The following OCA2 variants were observed in gnomAD, a reference collection of about 807,000 sequenced individuals.
OCA2 encodes OCA2 melanosomal transmembrane protein, also known as P protein.
OCA2 carries 77 observed loss-of-function variants against 100.2 expected under a neutral mutation model. The ratio of observed to expected loss-of-function variants is 0.77; its 90% CI spans 0.64 to 0.93. The LOEUF (loss-of-function observed/expected upper bound fraction) is 0.93. Among genes scored for constraint, OCA2 ranks in the 40% least tolerant of loss-of-function variants. OCA2 has a pLI of 0.00. For synonymous variants in OCA2, 432 were observed against 439.2 expected (o/e 0.98, Z 0.21); for missense variants, 1,062 against 1,089.1 (o/e 0.98, Z 0.35).
chr15:28,045,210 G>C (rs559727599), intron 2 of OCA2, among the ~76,000 whole-genome samples: 1 of 151,888 alleles, frequency 6.6e-6, no homozygotes, highest in African/African-American at 2.4e-5. Context: ...TCTAGGTATT[G>C]CTTTAGGGTT....
At chr15:27,743,870 G>A in the OCA2 span, among the ~76,000 whole-genome samples, 1 of 152,172 alleles carries the variant, frequency 6.6e-6, no homozygotes. Flanking sequence ...CCCGCAGCCA[G>A]GTCCTGAGCA....
chr15:27,982,045 T>C (rs1305271538), intron 14 of OCA2, among the ~76,000 whole-genome samples: 3 of 148,742 alleles, frequency 2.0e-5, no homozygotes, highest in Non-Finnish European at 4.4e-5. Flanking sequence ...GTTCCATGTG[T>C]TTTGTCTGGT....
intron 20 of OCA2, 146 bp downstream of exon 20, chr15:27,871,717 C>T (rs1031895662): frequency 1.2e-5 from 8 of 684,904 alleles, no homozygotes; most frequent in Admixed American, 7.6e-5. Flanking sequence ...CATCTCTGGG[C>T]TGCACAGGAT....
chr15:27,949,125 G>C (rs2039945678), intron 18 of OCA2, among the ~76,000 whole-genome samples: 1 of 152,152 alleles, frequency 6.6e-6, no homozygotes, highest in South Asian at 2.1e-4. Context: ...GCTATGTCTA[G>C]GTTAGGATTC....
chr15:27,877,674 A>G (rs1447971042), intron 19 of OCA2, among the ~76,000 whole-genome samples: 2 of 151,916 alleles, frequency 1.3e-5, no homozygotes, highest in Non-Finnish European at 2.9e-5. Flanking sequence ...TACTTTCAAC[A>G]TATCTCTATG....
intron 21 of OCA2, among the ~76,000 whole-genome samples, chr15:27,861,175 AG>A (rs1309896992): frequency 3.9e-5 from 6 of 152,168 alleles, no homozygotes; most frequent in Non-Finnish European, 7.4e-5. Context: ...TTTGAGGGGC[AG>A]CTGGCCATGG....
chr15:28,078,693 G>A (rs1014438946), intron 2 of OCA2, among the ~76,000 whole-genome samples: 41 of 152,320 alleles, frequency 2.7e-4, no homozygotes, highest in African/African-American at 9.9e-4. Flanking sequence ...CCCAGCCTGT[G>A]AAGACCCTGA....
At chr15:27,835,426 C>G (rs1231992648) in intron 23 of OCA2, among the ~76,000 whole-genome samples, 1 of 152,170 alleles carries the variant, frequency 6.6e-6, no homozygotes, top group Admixed American at 6.5e-5. Context: ...TCTTTGGGCC[C>G]CCACAACCTG....
At chr15:27,773,006 A>G (rs1021107280) in intron 23 of OCA2, among the ~76,000 whole-genome samples, 3 of 152,092 alleles carry the variant, frequency 2.0e-5, no homozygotes, top group Non-Finnish European at 4.4e-5. Context: ...CTGATGCAAT[A>G]TTTTTGGCAA....
In OCA2 at chr15:27,755,367, C is replaced by T. The variant is rs369189827; in HGVS notation, c.*21G>A. 74 of 1,570,354 alleles carry T rather than the reference C, an allele frequency of 4.7e-5. No homozygotes were observed. The highest frequency in any genetic ancestry group is 5.7e-5 in the Non-Finnish European group (65 of 1,140,448). ...GATGGATGAAGTTTCCTTTAGTCTT[C>T]GAGCAATAGATGGATGTCTATTAAT... On this transcript the variant is annotated 3_prime_UTR_variant, in exon 24 of 24. Coordinates refer to ENST00000354638, the MANE Select transcript of OCA2 (RefSeq NM_000275.3).
chr15:27,828,317 C>T (rs2151301796), intron 23 of OCA2, among the ~76,000 whole-genome samples: 1 of 152,282 alleles, frequency 6.6e-6, no homozygotes, highest in African/African-American at 2.4e-5. Flanking sequence ...TCCAAACTCT[C>T]CAAAGGATGC....
At chr15:28,094,788 C>T (rs1370341980) in intron 1 of OCA2, among the ~76,000 whole-genome samples, 1 of 152,200 alleles carries the variant, frequency 6.6e-6, no homozygotes, top group Non-Finnish European at 1.5e-5. Flanking sequence ...AACGCCCCGC[C>T]GTGCCGTGGC....
At chr15:27,787,814 A>G (rs2032889642) in intron 23 of OCA2, among the ~76,000 whole-genome samples, 1 of 151,650 alleles carries the variant, frequency 6.6e-6, no homozygotes, top group African/African-American at 2.4e-5. Context: ...TTATGGTAAA[A>G]GTTTAAGTTA....
the OCA2 span, among the ~76,000 whole-genome samples, chr15:27,721,997 G>T: frequency 6.6e-6 from 1 of 152,166 alleles, no homozygotes; most frequent in Non-Finnish European, 1.5e-5. Context: ...TGTATCTATT[G>T]CAAGATCTGT....
At chr15:27,895,757 A>C in intron 19 of OCA2, 1 of 332,408 alleles carries the variant, frequency 3.0e-6, no homozygotes, top group South Asian at 3.4e-5. Flanking sequence ...ATATCAAGCG[A>C]AATTTAGAAG....
intron 19 of OCA2, chr15:27,895,804 A>G: frequency 2.3e-6 from 1 of 439,152 alleles, no homozygotes; most frequent in South Asian, 2.3e-5. Flanking sequence ...ATGCTTGGAA[A>G]TGCTTGGTGA....
At chr15:27,762,309 C>T (rs769208913) in intron 23 of OCA2, among the ~76,000 whole-genome samples, 4 of 152,132 alleles carry the variant, frequency 2.6e-5, no homozygotes, top group African/African-American at 7.2e-5. Context: ...TGCCCATTGA[C>T]CAGACCTTGG....
At chr15:27,920,838 C>T (rs1567107771) in intron 19 of OCA2, among the ~76,000 whole-genome samples, 1 of 151,716 alleles carries the variant, frequency 6.6e-6, no homozygotes, top group Non-Finnish European at 1.5e-5. Context: ...ATAAAAATTA[C>T]TCATCAAAAA....
chr15:27,944,585 T>C (rs1310190768), intron 18 of OCA2, among the ~76,000 whole-genome samples: 3 of 152,186 alleles, frequency 2.0e-5, no homozygotes, highest in Non-Finnish European at 2.9e-5. Context: ...GGTTTTTGCA[T>C]GTTTGAGACT....
Sources: gnomAD v4.1 joint callset for allele counts (sites outside exome capture counted in the v4.1 genomes callset) on GRCh38, gnomAD v4.1.1 for gene constraint, MANE v1.5 for transcripts, NCBI Gene and HGNC (gene_info 2026-07-23, HGNC 2026-07-21) for gene names.